The following AGTPBP1 variants were observed in gnomAD, a reference collection of about 807,000 sequenced individuals.
AGTPBP1 encodes cytosolic carboxypeptidase 1.
AGTPBP1 carries 70 observed loss-of-function variants against 143.9 expected under a neutral mutation model. The observed-to-expected ratio is 0.49, with a 90% CI of 0.40 to 0.59. The LOEUF is 0.59. Among genes scored for constraint, AGTPBP1 ranks in the 20% least tolerant of loss-of-function variants. AGTPBP1 has a pLI of 0.00. For synonymous variants in AGTPBP1, 463 were observed against 500.2 expected (o/e 0.93, Z 0.99); for missense variants, 1,229 against 1,464.5 (o/e 0.84, Z 2.62).
chr9:85,719,113 G>C (rs1189988076), intron 1 of AGTPBP1, among the ~76,000 whole-genome samples: 1 of 152,138 alleles, frequency 6.6e-6, no homozygotes, highest in African/African-American at 2.4e-5. Flanking sequence ...GATGCCTCCA[G>C]CTTTGTTCTT....
chr9:85,717,300 T>C (rs1837768508), intron 1 of AGTPBP1, among the ~76,000 whole-genome samples: 1 of 151,956 alleles, frequency 6.6e-6, no homozygotes, highest in Non-Finnish European at 1.5e-5. Context: ...GCCCAGGAGT[T>C]CAAGACCAGC....
At chr9:85,805,279 C>G in the AGTPBP1 span, 1 of 152,182 alleles carries the variant, frequency 6.6e-6, no homozygotes, top group Admixed American at 6.5e-5. Flanking sequence ...CCGCCCCCGC[C>G]CCGAGGCTCT....
rs1295154209 is a variant in AGTPBP1, at chr9:85,712,496, C to T, written c.32+6G>A. ...TTATGCATACTGATATTCAGAATTA[C>T]AGTACCTTTTTTCTGGTATCACTTT... On this transcript the variant is annotated splice_donor_region_variant and intron_variant, in intron 2 of 25. Transcript: ENST00000357081. 2 of 1,472,296 alleles carry T rather than the reference C, an allele frequency of 1.4e-6. No homozygotes were observed. Among genetic ancestry groups the T allele is most frequent in the African/African-American group, 1.4e-5 (1 of 71,164 alleles). The allele number at this position is 1,472,296 out of a possible 1,614,324, so 91.2% of individuals were successfully genotyped here. A position where few individuals can be genotyped will look rare whatever the true frequency, so the allele number is the denominator to read the frequency against.
chr9:85,748,808 C>T, the AGTPBP1 span, among the ~76,000 whole-genome samples: 1 of 152,136 alleles, frequency 6.6e-6, no homozygotes, highest in Non-Finnish European at 1.5e-5. Context: ...ATCAGGCCAG[C>T]CTGTTCAGTG....
In AGTPBP1 at chr9:85,633,179, C is replaced by G. The variant is rs781398484; in HGVS notation, c.1498G>C (p.Glu500Gln). The G allele has an allele frequency of 6.2e-7, 1 of 1,613,394 alleles. No individual in the cohort carries two copies. The highest frequency in any genetic ancestry group is 8.5e-7 in the Non-Finnish European group (1 of 1,179,822). ...KKSTFMDLAKEDIKDNDRTLQ... is the reference protein window; with the variant it reads ...KKSTFMDLAKQDIKDNDRTLQ... ...GTTCTATCATTATCTTTAATATCTT[C>G]TTTTGCTAGATCCATAAAGGTAGAC... Residue 500 changes from glutamate (E) to glutamine (Q), a missense_variant, in exon 14 of 26, where the codon GAA becomes CAA. Physicochemically the swap from Glu to Gln is conservative, Grantham distance 29. Transcript: ENST00000357081.
intron 13 of AGTPBP1, among the ~76,000 whole-genome samples, chr9:85,642,181 T>C (rs1051099989): frequency 2.6e-5 from 4 of 152,310 alleles, no homozygotes; most frequent in South Asian, 2.1e-4. Flanking sequence ...GGCGATTTCA[T>C]AGACTTATCC....
At chr9:85,668,967 ATGTGTG>A (rs539493558) in intron 8 of AGTPBP1, among the ~76,000 whole-genome samples, 3,532 of 114,374 alleles carry the variant, frequency 0.031, 109 homozygotes, top group African/African-American at 0.051. Flanking sequence ...ACATACATAC[ATGTGTG>A]TGTGTGTGTG....
chr9:85,647,949 T>G (rs1258586876), intron 11 of AGTPBP1, among the ~76,000 whole-genome samples: 1 of 152,152 alleles, frequency 6.6e-6, no homozygotes, highest in African/African-American at 2.4e-5. Flanking sequence ...CTGAGAATTT[T>G]CAAGACAAGA....
chr9:85,579,607 AG>A (rs772460932), intron 23 of AGTPBP1, among the ~76,000 whole-genome samples: 49 of 141,644 alleles, frequency 3.5e-4, no homozygotes, highest in Admixed American at 1.1e-3. Context: ...GTGTGGGGCG[AG>A]GGGGGGGGTG....
At chr9:85,653,720 G>GA (rs1477573818) in intron 11 of AGTPBP1, among the ~76,000 whole-genome samples, 1 of 152,208 alleles carries the variant, frequency 6.6e-6, no homozygotes, top group Non-Finnish European at 1.5e-5. Context: ...TGCATTCCTA[G>GA]AAGAGGGAGT....
chr9:85,729,230 C>A (rs1838720183), intron 1 of AGTPBP1, among the ~76,000 whole-genome samples: 2 of 152,146 alleles, frequency 1.3e-5, no homozygotes, highest in South Asian at 2.1e-4. Context: ...TTACTCACAA[C>A]AGTCAGAAGA....
At chr9:85,587,087 G>T in intron 21 of AGTPBP1, 127 bp from the exon 22 acceptor site, 1 of 1,149,556 alleles carries the variant, frequency 8.7e-7, no homozygotes. Context: ...ATTTCAAATA[G>T]GTATAGATGG....
chr9:85,743,901 T>G (rs1370591045), upstream of AGTPBP1, among the ~76,000 whole-genome samples: 1 of 141,998 alleles, frequency 7.0e-6, no homozygotes, highest in Non-Finnish European at 1.5e-5. Context: ...CTCAGTTGTT[T>G]TTCTTTTTCT....
chr9:85,600,395 G>A (rs1329349207), intron 17 of AGTPBP1, among the ~76,000 whole-genome samples: 2 of 152,146 alleles, frequency 1.3e-5, no homozygotes, highest in African/African-American at 4.8e-5. Flanking sequence ...GCTGACTAGA[G>A]GCATCTGGCA....
intron 25 of AGTPBP1, among the ~76,000 whole-genome samples, chr9:85,573,436 C>T (rs1031716473): frequency 2.0e-3 from 305 of 152,278 alleles, no homozygotes; most frequent in African/African-American, 6.9e-3. Context: ...AGTGCAGTGG[C>T]GTGATCTCGG....
At chr9:85,759,110 G>C in the AGTPBP1 span, among the ~76,000 whole-genome samples, 6 of 152,144 alleles carry the variant, frequency 3.9e-5, no homozygotes, top group Admixed American at 6.5e-5. Flanking sequence ...GGGGCACTCA[G>C]ATTCATAAAG....
intron 12 of AGTPBP1, among the ~76,000 whole-genome samples, chr9:85,644,997 T>C (rs894374627): frequency 3.9e-5 from 6 of 152,044 alleles, no homozygotes; most frequent in African/African-American, 1.4e-4. Context: ...AAATTATATT[T>C]TAGTACAGTA....
chr9:85,796,157 TATACATAC>T, the AGTPBP1 span, among the ~76,000 whole-genome samples: 1 of 152,070 alleles, frequency 6.6e-6, no homozygotes, highest in Non-Finnish European at 1.5e-5. Flanking sequence ...ATATATCTAT[TATACATAC>T]ATACATACAT....
chr9:85,740,782 T>A (rs1824203880), intron 1 of AGTPBP1, among the ~76,000 whole-genome samples: 1 of 152,180 alleles, frequency 6.6e-6, no homozygotes, highest in Admixed American at 6.5e-5. Context: ...TAAACACAAC[T>A]ACAATGTTAA....
Sources: allele counts gnomAD v4.1 joint callset (sites outside exome capture counted in the v4.1 genomes callset), GRCh38; gene constraint gnomAD v4.1.1; transcripts MANE v1.5; gene names NCBI Gene and HGNC (gene_info 2026-07-23, HGNC 2026-07-21).